Variants in SCAPER observed in about 807,000 individuals in gnomAD.
SCAPER encodes the protein S phase cyclin A-associated protein in the endoplasmic reticulum.
In SCAPER, 98 loss-of-function variants were observed where a neutral mutation model predicts 182.2. That is an observed-to-expected ratio of 0.54 (90% CI 0.46 to 0.64). SCAPER has a LOEUF of 0.64. Ranked by LOEUF, SCAPER falls within the 30% of genes least tolerant of loss-of-function variation. SCAPER has a pLI of 0.00. For missense variants in SCAPER, 1,432 were observed against 1,690.0 expected (o/e 0.85, Z 2.68); for synonymous variants, 605 against 564.6 (o/e 1.07, Z -1.01).
chr15:76,411,616 G>A (rs2045293704), intron 26 of SCAPER, among the ~76,000 whole-genome samples: 1 of 152,076 alleles, frequency 6.6e-6, no homozygotes, highest in South Asian at 2.1e-4. Flanking sequence ...GTGAACATGT[G>A]TTTTCATTTC....
chr15:76,737,328 G>A (rs2061326901), intron 15 of SCAPER, among the ~76,000 whole-genome samples: 1 of 152,226 alleles, frequency 6.6e-6, no homozygotes, highest in Admixed American at 6.5e-5. Flanking sequence ...CTCTCCATCA[G>A]GGCTCTTGAG....
intron 18 of SCAPER, among the ~76,000 whole-genome samples, chr15:76,705,148 A>C (rs2059180196): frequency 6.6e-6 from 1 of 152,126 alleles, no homozygotes; most frequent in Non-Finnish European, 1.5e-5. Context: ...AACCAACCCA[A>C]ATGTCCAACA....
intron 8 of SCAPER, among the ~76,000 whole-genome samples, chr15:76,779,663 A>G (rs898025667): frequency 1.3e-5 from 2 of 152,108 alleles, no homozygotes; most frequent in Non-Finnish European, 2.9e-5. Flanking sequence ...AAAATAGAAG[A>G]TAAGGAAATA....
chr15:76,647,670 T>C (rs2146475494), intron 21 of SCAPER, among the ~76,000 whole-genome samples: 1 of 152,320 alleles, frequency 6.6e-6, no homozygotes, highest in South Asian at 2.1e-4. Flanking sequence ...GTTAATCTGC[T>C]GAATGAGCAG....
chr15:76,662,901 C>G (rs2056304902), intron 21 of SCAPER, among the ~76,000 whole-genome samples: 1 of 151,716 alleles, frequency 6.6e-6, no homozygotes, highest in South Asian at 2.1e-4. Context: ...TCTGGGCAGG[C>G]AAAGATCTCT....
At chr15:76,620,412 C>G (rs1359149724) in intron 22 of SCAPER, among the ~76,000 whole-genome samples, 1 of 152,192 alleles carries the variant, frequency 6.6e-6, no homozygotes, top group Non-Finnish European at 1.5e-5. Flanking sequence ...TAGTTCTGCA[C>G]TCCATTCTCC....
At chr15:76,574,985 C>T (rs1449783040) in intron 22 of SCAPER, among the ~76,000 whole-genome samples, 4 of 152,104 alleles carry the variant, frequency 2.6e-5, no homozygotes, top group Non-Finnish European at 5.9e-5. Context: ...ATATCATCCC[C>T]GTTGCCTTAA....
In SCAPER at chr15:76,366,146, T is replaced by C. The variant is rs1001995278; in HGVS notation, c.3855+10016A>G. The stretch of plus-strand genomic sequence containing the variant: ...ACTACTGGAAAGATTATGTCCATTA[T>C]AGACTAACGGGATATGTGCATGGAG... On this transcript the variant is annotated intron_variant, in intron 29 of 31. Transcript: ENST00000563290. Among the ~76,000 whole-genome samples, 15 of 151,952 alleles carry C rather than the reference T, an allele frequency of 9.9e-5. 1 individual carries two copies. Among genetic ancestry groups the C allele is most frequent in the South Asian group, 8.3e-4 (4 of 4,828 alleles).
At position 76,722,664 on chromosome 15, in the gene SCAPER, A is replaced by G. The variant is rs772394819; in HGVS notation, c.2165+5931T>C. On this transcript the variant is annotated intron_variant, in intron 17 of 31. Coordinates refer to ENST00000563290, the MANE Select transcript of SCAPER (RefSeq NM_020843.4). ...TCCTGGTTAAGTCTTGGGAGGGTGT[A>G]TGTGTCAAGGAATTTATCCATTTCT... Among the ~76,000 whole-genome samples, 227 of 152,208 alleles carry G rather than the reference A, an allele frequency of 1.5e-3. 2 individuals are homozygous for G. The highest frequency in any genetic ancestry group is 1.5e-3 in the Non-Finnish European group (105 of 67,994).
chr15:76,868,050 A>C (rs2072421749), intron 2 of SCAPER, among the ~76,000 whole-genome samples: 1 of 152,184 alleles, frequency 6.6e-6, no homozygotes. Context: ...TAAAAAAAAA[A>C]ATTTAGTCCC....
Position 76,594,287 on chromosome 15 carries a change from G to T in SCAPER, c.2712-20003C>A, listed in dbSNP as rs759866394. On this transcript the variant is annotated intron_variant, in intron 22 of 31. Transcript: ENST00000563290. The stretch of plus-strand genomic sequence containing the variant: ...AGACAAGATTAGAGAAAAAAGAATA[G>T]AAAGGAATGAACAAAGCCCCCAAGA... Among the ~76,000 whole-genome samples the T allele has an allele frequency of 5.8e-5, 7 of 119,718 alleles. 2 individuals are homozygous for T. Among genetic ancestry groups the T allele is most frequent in the Non-Finnish European group, 8.1e-5 (4 of 49,502 alleles). 78.5% of individuals were successfully genotyped at this position (119,718 alleles called of 152,430 possible). A position where few individuals can be genotyped will look rare whatever the true frequency, so the allele number is the denominator to read the frequency against.
At chr15:76,539,550 T>TG (rs976067749) in intron 23 of SCAPER, among the ~76,000 whole-genome samples, 18 of 147,612 alleles carry the variant, frequency 1.2e-4, no homozygotes, top group Non-Finnish European at 2.6e-4. Flanking sequence ...AATTTCTTTT[T>TG]TTTTTTTTTT....
chr15:76,433,884 A>G (rs1249030278), intron 26 of SCAPER, among the ~76,000 whole-genome samples, 194 bp downstream of exon 26: 2 of 152,246 alleles, frequency 1.3e-5, no homozygotes, highest in African/African-American at 4.8e-5. Context: ...TATCTGAAGT[A>G]AAGTATTAAT....
At chr15:76,871,957 C>T (rs945845203) in intron 2 of SCAPER, among the ~76,000 whole-genome samples, 1 of 151,444 alleles carries the variant, frequency 6.6e-6, no homozygotes, top group Non-Finnish European at 1.5e-5. Context: ...ATAAGATATA[C>T]CTTTTCATTA....
Position 76,905,322 on chromosome 15 carries a change from G to T in SCAPER, c.-83C>A. 1 of 257,406 alleles carries T rather than the reference G, an allele frequency of 3.9e-6. No homozygotes were observed. The highest frequency in any genetic ancestry group is 8.1e-6 in the Non-Finnish European group (1 of 123,582). 15.9% of individuals were successfully genotyped at this position (257,406 alleles called of 1,614,324 possible). A position where few individuals can be genotyped will look rare whatever the true frequency, so the allele number is the denominator to read the frequency against. ...ACCCCCGACCGCCCTGCTTAGTTCGGGGCGGCTCAAAGCGTCCCGCCGGGA... is the reference window on the plus strand; with the variant it reads ...ACCCCCGACCGCCCTGCTTAGTTCGTGGCGGCTCAAAGCGTCCCGCCGGGA... On this transcript the variant is annotated 5_prime_UTR_variant, in exon 1 of 32. Transcript: ENST00000563290.
At chr15:76,691,548 G>A (rs1006843347) in intron 20 of SCAPER, among the ~76,000 whole-genome samples, 3 of 152,086 alleles carry the variant, frequency 2.0e-5, no homozygotes, top group Non-Finnish European at 2.9e-5. Context: ...TGAACTTACT[G>A]TATTAGGAAT....
chr15:76,683,749 G>A (rs377407782), intron 20 of SCAPER, among the ~76,000 whole-genome samples: 2 of 152,030 alleles, frequency 1.3e-5, no homozygotes. Flanking sequence ...GACACTGTAG[G>A]GGGTGGGGGG....
intron 4 of SCAPER, among the ~76,000 whole-genome samples, chr15:76,847,598 C>T (rs1157939856): frequency 6.6e-6 from 1 of 152,132 alleles, no homozygotes; most frequent in Non-Finnish European, 1.5e-5. Context: ...TATATACACC[C>T]ACTATGTACC....
chr15:76,588,776 G>A (rs369121365), intron 22 of SCAPER, among the ~76,000 whole-genome samples: 2 of 152,186 alleles, frequency 1.3e-5, no homozygotes, highest in African/African-American at 4.8e-5. Context: ...TTGGCCAGGT[G>A]TGGTGGCTAG....
Sources: gnomAD v4.1 joint callset for allele counts (sites outside exome capture counted in the v4.1 genomes callset) on GRCh38, gnomAD v4.1.1 for gene constraint, MANE v1.5 for transcripts, NCBI Gene and HGNC (gene_info 2026-07-23, HGNC 2026-07-21) for gene names.